The following TBC1D5 variants were observed in gnomAD, a reference collection of about 807,000 sequenced individuals.
TBC1D5 encodes TBC1 domain family member 5, also known as TBC1 domain family, member 5.
A neutral mutation model predicts 100.3 loss-of-function variants in TBC1D5; 75 were observed. That is an observed-to-expected ratio of 0.75 (90% confidence interval 0.62 to 0.91). The LOEUF (loss-of-function observed/expected upper bound fraction) is 0.91, where lower values mean the gene tolerates loss of function less well. TBC1D5 is among the 40% of genes least tolerant of loss of function. The pLI, the probability that TBC1D5 is intolerant of heterozygous loss-of-function variation, is 0.00. For synonymous variants in TBC1D5, 323 were observed against 325.6 expected (o/e 0.99, Z 0.09); for missense variants, 910 against 942.4 (o/e 0.97, Z 0.45).
chr3:17,289,553 G>C (rs1256154041), intron 15 of TBC1D5, among the ~76,000 whole-genome samples: 1 of 151,684 alleles, frequency 6.6e-6, no homozygotes, highest in Non-Finnish European at 1.5e-5. Flanking sequence ...AGAATCGCTT[G>C]AACCTGGGAG....
intron 3 of TBC1D5, among the ~76,000 whole-genome samples, chr3:17,443,975 C>T (rs1038593427): frequency 6.7e-6 from 1 of 149,564 alleles, no homozygotes; most frequent in Non-Finnish European, 1.5e-5. Context: ...TTTTCAAAAA[C>T]ATTATCAAAA....
chr3:17,255,814 A>G (rs1168662173), intron 16 of TBC1D5, among the ~76,000 whole-genome samples: 2 of 152,044 alleles, frequency 1.3e-5, no homozygotes, highest in African/African-American at 2.4e-5. Context: ...TGAGGTGGGC[A>G]GATCACGAGG....
intron 13 of TBC1D5, among the ~76,000 whole-genome samples, chr3:17,341,956 C>G (rs900608943): frequency 1.3e-5 from 2 of 152,146 alleles, no homozygotes; most frequent in Admixed American, 1.3e-4. Flanking sequence ...TTGTAGTTAT[C>G]TTCCCCACTC....
At chr3:17,408,748 T>G (rs2093842767) in intron 4 of TBC1D5, among the ~76,000 whole-genome samples, 4 of 152,160 alleles carry the variant, frequency 2.6e-5, no homozygotes. Flanking sequence ...TTAACCCAAT[T>G]GTCTTAATTT....
chr3:17,464,493 T>C (rs1007053997), intron 3 of TBC1D5, among the ~76,000 whole-genome samples: 1 of 152,140 alleles, frequency 6.6e-6, no homozygotes, highest in Non-Finnish European at 1.5e-5. Flanking sequence ...CTTCAAATCT[T>C]TCCCGGTTTC....
intron 1 of TBC1D5, among the ~76,000 whole-genome samples, chr3:17,633,762 A>G (rs998616138): frequency 6.6e-6 from 1 of 152,150 alleles, no homozygotes; most frequent in African/African-American, 2.4e-5. Flanking sequence ...TAATTTAAAA[A>G]TTAATTATAA....
At chr3:17,572,014 C>T (rs1324573343) in intron 2 of TBC1D5, among the ~76,000 whole-genome samples, 1 of 152,060 alleles carries the variant, frequency 6.6e-6, no homozygotes, top group Non-Finnish European at 1.5e-5. Context: ...GCTCTGCCTA[C>T]TGCATTATGC....
In TBC1D5 at chr3:17,435,929, G is replaced by A. The variant is rs1032762767; in HGVS notation, c.98-7410C>T. The stretch of plus-strand genomic sequence containing the variant: ...TGATCACTATATGAGGACTGCAAGC[G>A]TGGCTAAATGTTAAAGAACTACTGT... On this transcript the variant is annotated intron_variant, in intron 3 of 21. Coordinates refer to ENST00000253692, the Ensembl canonical transcript of TBC1D5. 4.6e-5 allele frequency among the ~76,000 whole-genome samples: 7 copies of A among 152,204 alleles called. No homozygotes were observed. In the South Asian group the frequency reaches 1.0e-3, roughly 22 times the overall value.
chr3:17,705,065 T>G (rs1442196760), intron 1 of TBC1D5, among the ~76,000 whole-genome samples: 1 of 105,412 alleles, frequency 9.5e-6, no homozygotes, highest in Non-Finnish European at 2.0e-5. Flanking sequence ...CCCCCCCACC[T>G]CCCTCCCGGA....
intron 3 of TBC1D5, among the ~76,000 whole-genome samples, chr3:17,437,602 G>A (rs1322762182): frequency 8.0e-6 from 1 of 125,232 alleles, no homozygotes; most frequent in African/African-American, 2.9e-5. Flanking sequence ...GGAAAGAGGG[G>A]AGAGAGACAG....
chr3:17,410,405 C>T (rs1011236836), intron 4 of TBC1D5, among the ~76,000 whole-genome samples: 7 of 152,166 alleles, frequency 4.6e-5, no homozygotes, highest in Middle Eastern at 3.2e-3. Context: ...TCTGCTAACA[C>T]AACATCCATT....
At chr3:17,741,800 A>AT (rs779385615), upstream of TBC1D5, among the ~76,000 whole-genome samples, 5,300 of 47,948 alleles carry the variant, frequency 0.11, 826 homozygotes, top group Non-Finnish European at 0.13. Context: ...CTCCCTGCGA[A>AT]TTTTTTTTTT....
At chr3:17,570,957 G>A (rs758964691) in intron 2 of TBC1D5, among the ~76,000 whole-genome samples, 5 of 151,912 alleles carry the variant, frequency 3.3e-5, no homozygotes, top group African/African-American at 1.2e-4. Flanking sequence ...ACAGGTTTTC[G>A]AGGTGTTTCA....
rs1255677294 is a variant in TBC1D5 at position 17,167,833 on chromosome 3, A to T, written c.1853-5T>A. The T allele has an allele frequency of 6.3e-7, 1 of 1,579,776 alleles. No homozygotes were observed. Among genetic ancestry groups the T allele is most frequent in the African/African-American group, 1.4e-5 (1 of 73,840 alleles). On this transcript the variant is annotated splice_polypyrimidine_tract_variant and splice_region_variant and intron_variant, in intron 19 of 21. Transcript: ENST00000253692. ...ATATCACATCTTGAATATTTACTGA[A>T]AATAGAAGAATGACATTTTATAACC...
At chr3:17,508,426 G>C in intron 3 of TBC1D5, 48 bp downstream of exon 3, 5 of 1,484,756 alleles carry the variant, frequency 3.4e-6, no homozygotes, top group Non-Finnish European at 4.7e-6. Flanking sequence ...CCCTCTGCTA[G>C]GTTTCCCAGT....
intron 1 of TBC1D5, among the ~76,000 whole-genome samples, chr3:17,717,271 G>T (rs1276725278): frequency 2.6e-5 from 4 of 151,110 alleles, no homozygotes; most frequent in Middle Eastern, 6.9e-3. Flanking sequence ...AAAAAAAAAG[G>T]GGGGTGGCTA....
chr3:17,536,515 CTT>C (rs778309291), intron 2 of TBC1D5, among the ~76,000 whole-genome samples: 1 of 152,162 alleles, frequency 6.6e-6, no homozygotes, highest in Non-Finnish European at 1.5e-5. Flanking sequence ...AACCAAATCT[CTT>C]GTTAACAAAA....
intron 18 of TBC1D5, among the ~76,000 whole-genome samples, chr3:17,208,912 C>A (rs2072589616): frequency 6.6e-6 from 1 of 152,162 alleles, no homozygotes; most frequent in Non-Finnish European, 1.5e-5. Flanking sequence ...CCAATACATT[C>A]TACTTTGCTG....
At chr3:17,569,397 T>C (rs900055489) in intron 2 of TBC1D5, among the ~76,000 whole-genome samples, 8 of 151,936 alleles carry the variant, frequency 5.3e-5, no homozygotes, top group African/African-American at 1.7e-4. Flanking sequence ...AGGATGCAAC[T>C]ATATAGATAT....
Sources: allele counts gnomAD v4.1 joint callset (sites outside exome capture counted in the v4.1 genomes callset), GRCh38; gene constraint gnomAD v4.1.1; transcripts MANE v1.5; gene names NCBI Gene and HGNC (gene_info 2026-07-23, HGNC 2026-07-21).